The following RAD51B variants were observed in gnomAD, a reference collection of about 807,000 sequenced individuals.
RAD51B encodes DNA repair protein RAD51 homolog 2.
Under a neutral mutation model 42.2 loss-of-function variants are expected in RAD51B, and 38 were observed. The ratio of observed to expected loss-of-function variants is 0.90; its 90% CI spans 0.70 to 1.18. The LOEUF (loss-of-function observed/expected upper bound fraction) is 1.18, where lower values mean the gene tolerates loss of function less well. Ranked by LOEUF, RAD51B falls within the 50% of genes most tolerant of loss-of-function variation. The pLI, the probability that RAD51B is intolerant of heterozygous loss-of-function variation, is 0.00. For synonymous variants in RAD51B, 154 were observed against 145.2 expected (o/e 1.06, Z -0.43); for missense variants, 373 against 400.7 (o/e 0.93, Z 0.59).
intron 7 of RAD51B, among the ~76,000 whole-genome samples, chr14:68,202,659 C>T (rs572378358): frequency 8.0e-4 from 118 of 148,196 alleles, no homozygotes; most frequent in African/African-American, 2.9e-3. Context: ...CTTGGTTCAC[C>T]GCAGCCTCTG....
chr14:68,167,902 T>C (rs1355655497), intron 7 of RAD51B, among the ~76,000 whole-genome samples: 1 of 152,194 alleles, frequency 6.6e-6, no homozygotes, highest in Non-Finnish European at 1.5e-5. Context: ...ATGGATTTTA[T>C]TGTATATACT....
chr14:67,992,081 A>G (rs1045886840), intron 7 of RAD51B, among the ~76,000 whole-genome samples: 4 of 152,218 alleles, frequency 2.6e-5, no homozygotes, highest in Admixed American at 6.5e-5. Context: ...AATGTCTAGA[A>G]TAAGATTAGT....
intron 7 of RAD51B, among the ~76,000 whole-genome samples, chr14:68,209,961 CTTT>C (rs111751838): frequency 0.18 from 25,127 of 141,954 alleles, 2,149 homozygotes; most frequent in Middle Eastern, 0.36. Context: ...CTAGGAATAC[CTTT>C]TTTTTTTTTT....
At chr14:68,540,452 A>C in intron 10 of RAD51B, 1 of 985,260 alleles carries the variant, frequency 1.0e-6, no homozygotes, top group Non-Finnish European at 1.2e-6. Context: ...CCTTCCCAAG[A>C]TCTTACTCTT....
intron 7 of RAD51B, among the ~76,000 whole-genome samples, chr14:68,200,285 C>A (rs1001545669): frequency 6.6e-6 from 1 of 152,238 alleles, no homozygotes; most frequent in Non-Finnish European, 1.5e-5. Flanking sequence ...CAAATGGTGG[C>A]TTTGATTTGG....
chr14:68,442,229 A>G (rs1030637571), intron 9 of RAD51B, among the ~76,000 whole-genome samples: 6 of 152,084 alleles, frequency 3.9e-5, no homozygotes, highest in African/African-American at 1.4e-4. Flanking sequence ...AGGGCCTACT[A>G]CTGACTGGAT....
chr14:68,016,519 TTGTTTTAA>T (rs1389749031), intron 7 of RAD51B, among the ~76,000 whole-genome samples: 1 of 152,240 alleles, frequency 6.6e-6, no homozygotes, highest in Non-Finnish European at 1.5e-5. Flanking sequence ...TTTATTATCT[TTGTTTTAA>T]TATAATTTTT....
chr14:68,602,476 T>G (rs936086296), intron 10 of RAD51B, among the ~76,000 whole-genome samples: 1 of 149,780 alleles, frequency 6.7e-6, no homozygotes, highest in Non-Finnish European at 1.5e-5. Context: ...GATGGGTGGG[T>G]GGGTGGATGG....
chr14:68,285,618 A>C (rs777136887), intron 7 of RAD51B, among the ~76,000 whole-genome samples: 1 of 152,178 alleles, frequency 6.6e-6, no homozygotes, highest in Non-Finnish European at 1.5e-5. Context: ...ATCCTGGCCC[A>C]GTTAAAGTGA....
At chr14:68,049,282 A>G (rs1381041644) in intron 7 of RAD51B, among the ~76,000 whole-genome samples, 3 of 152,210 alleles carry the variant, frequency 2.0e-5, no homozygotes, top group East Asian at 3.8e-4. Flanking sequence ...GGTGTAGCAC[A>G]CCAACATGGC....
intron 7 of RAD51B, among the ~76,000 whole-genome samples, chr14:67,974,508 A>C (rs1324714903): frequency 6.6e-6 from 1 of 152,140 alleles, no homozygotes; most frequent in Non-Finnish European, 1.5e-5. Context: ...TAAATAATTT[A>C]TAGCAACATA....
In RAD51B at chr14:67,887,013, T is replaced by G; in HGVS notation, c.573-8T>G. The G allele has an allele frequency of 6.9e-7, 1 of 1,444,986 alleles. No homozygotes were observed. 89.5% of individuals were successfully genotyped at this position (1,444,986 alleles called of 1,614,324 possible). ...TTATTGACTATTTTATAAATTCTTC[T>G]TTTATAGGATTGAATCTTTGGAAGA... On this transcript the variant is annotated splice_region_variant and splice_polypyrimidine_tract_variant and intron_variant, in intron 6 of 10. Transcript: ENST00000471583.
intron 7 of RAD51B, among the ~76,000 whole-genome samples, chr14:68,046,404 A>G (rs911990381): frequency 3.3e-5 from 5 of 152,200 alleles, no homozygotes; most frequent in African/African-American, 7.2e-5. Flanking sequence ...GATGTGAGCC[A>G]CCATGCTTGG....
chr14:68,669,393 C>T (rs1893104509), intron 11 of RAD51B, among the ~76,000 whole-genome samples: 1 of 152,194 alleles, frequency 6.6e-6, no homozygotes, highest in African/African-American at 2.4e-5. Flanking sequence ...CTAGAGAGGC[C>T]TGAGGCTGCA....
intron 8 of RAD51B, among the ~76,000 whole-genome samples, chr14:68,399,819 A>C (rs2084043870): frequency 6.6e-6 from 1 of 152,164 alleles, no homozygotes; most frequent in South Asian, 2.1e-4. Flanking sequence ...TATACTGGCA[A>C]TATTCAAACT....
chr14:68,640,546 C>T (rs910644810), intron 10 of RAD51B, among the ~76,000 whole-genome samples: 1 of 152,210 alleles, frequency 6.6e-6, no homozygotes, highest in Non-Finnish European at 1.5e-5. Context: ...AAAATTCCTG[C>T]TCTCAAGAAG....
At chr14:68,162,088 C>T (rs80113185) in intron 7 of RAD51B, among the ~76,000 whole-genome samples, 2,356 of 152,166 alleles carry the variant, frequency 0.015, 66 homozygotes, top group African/African-American at 0.051. Context: ...TTCAATTTCT[C>T]GGCTGTTACT....
intron 10 of RAD51B, among the ~76,000 whole-genome samples, chr14:68,567,523 T>G (rs114826381): frequency 0.043 from 6,613 of 152,304 alleles, 178 homozygotes; most frequent in African/African-American, 0.069. Flanking sequence ...GGGTTCACAC[T>G]TGGTATTGTA....
chr14:68,050,675 T>G (rs959522588), intron 7 of RAD51B, among the ~76,000 whole-genome samples: 3 of 152,174 alleles, frequency 2.0e-5, no homozygotes, highest in Admixed American at 6.5e-5. Context: ...AATGCAGATT[T>G]TTTTTGGAGA....
Sources: gnomAD v4.1 joint callset for allele counts (sites outside exome capture counted in the v4.1 genomes callset) on GRCh38, gnomAD v4.1.1 for gene constraint, MANE v1.5 for transcripts, NCBI Gene and HGNC (gene_info 2026-07-23, HGNC 2026-07-21) for gene names.